Variants in SMAD3 observed in about 807,000 individuals in gnomAD.
The protein encoded by SMAD3 is SMAD family member 3, also known as MAD homolog 3.
In SMAD3, 12 loss-of-function variants were observed where a neutral mutation model predicts 51.8. The observed-to-expected ratio is 0.23, with a 90% CI of 0.15 to 0.38. SMAD3 has a LOEUF of 0.38. Ranked by LOEUF, SMAD3 falls within the 10% of genes least tolerant of loss-of-function variation. The pLI, the probability that SMAD3 is intolerant of heterozygous loss-of-function variation, is 1.00. For synonymous variants in SMAD3, 238 were observed against 227.7 expected (o/e 1.05, Z -0.41); for missense variants, 294 against 565.6 (o/e 0.52, Z 4.87).
chr15:67,127,174 C>T (rs988180456), intron 1 of SMAD3, among the ~76,000 whole-genome samples: 1 of 152,176 alleles, frequency 6.6e-6, no homozygotes, highest in African/African-American at 2.4e-5. Context: ...TGGCCCAAGC[C>T]GAGGTCGCTC....
intron 1 of SMAD3, among the ~76,000 whole-genome samples, chr15:67,093,370 C>T (rs1595894816): frequency 6.6e-6 from 1 of 152,214 alleles, no homozygotes; most frequent in Non-Finnish European, 1.5e-5. Context: ...ACACCAGCCT[C>T]GCCACCTCGG....
intron 1 of SMAD3, among the ~76,000 whole-genome samples, 158 bp from the exon 2 acceptor site, chr15:67,164,737 C>T (rs568766693): frequency 7.9e-5 from 12 of 152,328 alleles, no homozygotes; most frequent in African/African-American, 2.9e-4. Context: ...CCTCCCAGCA[C>T]TCTCAGCTAG....
intron 1 of SMAD3, among the ~76,000 whole-genome samples, chr15:67,102,283 A>G (rs979204497): frequency 1.6e-5 from 2 of 125,850 alleles, no homozygotes; most frequent in African/African-American, 5.5e-5. Flanking sequence ...GTGTGTGTGC[A>G]TGCTCGCGTG....
intron 1 of SMAD3, among the ~76,000 whole-genome samples, chr15:67,092,870 G>A (rs1367925631): frequency 6.6e-6 from 1 of 152,176 alleles, no homozygotes; most frequent in Admixed American, 6.5e-5. Flanking sequence ...TATATGTTGG[G>A]TCTTCTGGAG....
chr15:67,110,178 A>G (rs908545693), intron 1 of SMAD3, among the ~76,000 whole-genome samples: 21 of 152,174 alleles, frequency 1.4e-4, no homozygotes, highest in Non-Finnish European at 3.1e-4. Context: ...GGGTTTAGGA[A>G]TAATTAGGAT....
At chr15:67,173,605 G>T (rs142394111) in intron 5 of SMAD3, among the ~76,000 whole-genome samples, 1 of 152,156 alleles carries the variant, frequency 6.6e-6, no homozygotes, top group Non-Finnish European at 1.5e-5. Flanking sequence ...TCTGCTTAGC[G>T]CCCTCTTGCC....
At chr15:67,086,969 C>G (rs950271475) in intron 1 of SMAD3, among the ~76,000 whole-genome samples, 1 of 151,322 alleles carries the variant, frequency 6.6e-6, no homozygotes, top group Non-Finnish European at 1.5e-5. Flanking sequence ...GATCTCAGCT[C>G]ACTACAACCT....
chr15:67,170,723 G>C, intron 5 of SMAD3, 119 bp downstream of exon 5: 1 of 838,532 alleles, frequency 1.2e-6, no homozygotes, highest in East Asian at 2.5e-5. Flanking sequence ...CATCAGCCCA[G>C]CTCAGCCCAT....
At chr15:67,145,770 T>C (rs1961959510) in intron 1 of SMAD3, among the ~76,000 whole-genome samples, 1 of 152,116 alleles carries the variant, frequency 6.6e-6, no homozygotes, top group Non-Finnish European at 1.5e-5. Flanking sequence ...GTGGCCCAGG[T>C]GGTAAGGAGA....
intron 1 of SMAD3, chr15:67,138,155 C>A: frequency 7.4e-7 from 1 of 1,354,256 alleles, no homozygotes; most frequent in Non-Finnish European, 1.0e-6. Context: ...CGTCTCCCCA[C>A]CCGTCCACAG....
intron 6 of SMAD3, among the ~76,000 whole-genome samples, chr15:67,183,000 A>AAATATATAT (rs61323717): frequency 2.3e-5 from 1 of 43,646 alleles, no homozygotes; most frequent in African/African-American, 1.4e-4. Flanking sequence ...AAAAAAAAAA[A>AAATATATAT]ATATATATAT....
At chr15:67,075,661 T>G (rs1960151688) in intron 1 of SMAD3, among the ~76,000 whole-genome samples, 1 of 152,152 alleles carries the variant, frequency 6.6e-6, no homozygotes, top group Non-Finnish European at 1.5e-5. Context: ...ATGCCTATAA[T>G]CCCAGCACTT....
chr15:67,103,027 C>T (rs1960795013), intron 1 of SMAD3, among the ~76,000 whole-genome samples: 1 of 152,186 alleles, frequency 6.6e-6, no homozygotes, highest in Non-Finnish European at 1.5e-5. Flanking sequence ...TGCCTCACTT[C>T]CCAGCTCTGG....
At chr15:67,127,326 G>A (rs138751801) in intron 1 of SMAD3, among the ~76,000 whole-genome samples, 1 of 152,290 alleles carries the variant, frequency 6.6e-6, no homozygotes, top group Non-Finnish European at 1.5e-5. Context: ...AAACCAAGAG[G>A]CTGACAGGTT....
chr15:67,099,152 T>C, intron 1 of SMAD3: 2 of 638,596 alleles, frequency 3.1e-6, no homozygotes, highest in South Asian at 1.8e-5. Context: ...GTAGCCGCTC[T>C]TGTTCACAGT....
intron 1 of SMAD3, among the ~76,000 whole-genome samples, chr15:67,091,409 T>C (rs935043485): frequency 2.9e-4 from 44 of 152,300 alleles, no homozygotes; most frequent in African/African-American, 1.0e-3. Context: ...GGTGTTGCGG[T>C]GATACATGAT....
At chr15:67,183,031 A>ATTTTTTTTTTTT (rs57749736) in intron 6 of SMAD3, among the ~76,000 whole-genome samples, 7 of 29,702 alleles carry the variant, frequency 2.4e-4, no homozygotes, top group African/African-American at 1.0e-3. Context: ...ATATATATAT[A>ATTTTTTTTTTTT]TTTTTTTTTT....
intron 1 of SMAD3, among the ~76,000 whole-genome samples, chr15:67,145,879 C>T (rs557759872): frequency 3.3e-5 from 5 of 152,302 alleles, no homozygotes; most frequent in African/African-American, 1.2e-4. Context: ...AACAGCTTGA[C>T]ACAGTGGGAA....
At position 67,112,441 on chromosome 15, in the gene SMAD3, G is replaced by C. The variant is rs186643630; in HGVS notation, c.206+46081G>C. ...CTCCCAAAGTGCTGGGATGATAGGCGTGAGCCACCACACCCGGCTAGCCAT... is the reference window on the plus strand; with the variant it reads ...CTCCCAAAGTGCTGGGATGATAGGCCTGAGCCACCACACCCGGCTAGCCAT... On this transcript the variant is annotated intron_variant, in intron 1 of 8. Transcript: ENST00000327367. Among the ~76,000 whole-genome samples, 3 of 131,632 alleles carry C rather than the reference G, an allele frequency of 2.3e-5. 1 individual carries two copies. The highest frequency in any genetic ancestry group is 2.7e-4 in the South Asian group (1 of 3,762). The allele number at this position is 131,632 out of a possible 152,430, so 86.4% of individuals were successfully genotyped here.
Sources: allele counts gnomAD v4.1 joint callset (sites outside exome capture counted in the v4.1 genomes callset), GRCh38; gene constraint gnomAD v4.1.1; transcripts MANE v1.5; gene names NCBI Gene and HGNC (gene_info 2026-07-23, HGNC 2026-07-21).